ENTR1: variants seen among roughly 807,000 people sequenced by gnomAD.
The protein encoded by ENTR1 is endosome associated trafficking regulator 1, also known as endosome-associated-trafficking regulator 1.
A neutral mutation model predicts 47.9 loss-of-function variants in ENTR1; 47 were observed. The observed-to-expected ratio is 0.98, with a 90% CI of 0.78 to 1.25. The LOEUF is 1.25. ENTR1 is among the 50% of genes most tolerant of loss of function. ENTR1 has a pLI of 0.00. For missense variants in ENTR1, 668 were observed against 570.5 expected (o/e 1.17, Z -1.74); for synonymous variants, 290 against 245.8 (o/e 1.18, Z -1.68).
In ENTR1 at chr9:136,408,981, G is replaced by A. The variant is rs755949345; in HGVS notation, c.289+18C>T. ...TGTTGGATGGAGACAAGAAGAAAAG[G>A]TTGCTGAACTACTCTACCTCCAAAA... is the stretch of plus-strand genomic sequence containing the variant. On this transcript the variant is annotated intron_variant, in intron 3 of 9. Coordinates refer to ENST00000357365, the MANE Select transcript of ENTR1 (RefSeq NM_001039707.2). 2.5e-6 allele frequency: 4 copies of A among 1,610,292 alleles called. No individual in the cohort carries two copies. Among genetic ancestry groups the A allele is most frequent in the Non-Finnish European group, 3.4e-6 (4 of 1,176,842 alleles).
At chr9:136,409,737 G>C in intron 2 of ENTR1, 1 of 393,194 alleles carries the variant, frequency 2.5e-6, no homozygotes, top group Non-Finnish European at 4.9e-6. Context: ...GGACGAACCA[G>C]ATCTGGCCAC....
chr9:136,410,610 G>A lies in ENTR1; in HGVS notation c.-213C>T, dbSNP rs921970593. On this transcript the variant is annotated 5_prime_UTR_variant, in exon 1 of 10. Coordinates refer to ENST00000357365, the MANE Select transcript of ENTR1 (RefSeq NM_001039707.2). The stretch of plus-strand genomic sequence containing the variant: ...TGAACGCCTTGGGCCGTCGGCGAGG[G>A]GGAGGGGAAGCCGTGGGCGGAAGCG... The A allele has an allele frequency of 2.1e-5, 28 of 1,302,630 alleles. No homozygotes were observed. In the African/African-American group the frequency reaches 3.3e-4, roughly 15 times the overall value. 80.7% of individuals were successfully genotyped at this position (1,302,630 alleles called of 1,614,324 possible).
intron 5 of ENTR1, 62 bp from the exon 6 acceptor site, chr9:136,406,040 T>C: frequency 7.7e-7 from 1 of 1,292,746 alleles, no homozygotes; most frequent in Admixed American, 2.0e-5. Flanking sequence ...GGCGTGTGCT[T>C]CTGCGGTGTG....
At position 136,409,002 on chromosome 9, in the gene ENTR1, C is replaced by T. The variant is rs557745116; in HGVS notation, c.286G>A (p.Gly96Arg). The change falls in exon 3 of 10, where the codon GGA becomes AGA. Residue 96 changes from glycine (G) to arginine (R), a missense_variant. Gly to Arg is a moderately radical substitution (Grantham distance 125). Transcript: ENST00000357365. ...SPSGAHGTHF[G>R]DDRFEDLEEA... ...AAAGGTTGCTGAACTACTCTACCTC[C>T]AAAATGTGTCCCGTGGGCTCCTGAC... 3 of 1,613,832 alleles carry T rather than the reference C, an allele frequency of 1.9e-6. No individual in the cohort carries two copies. The South Asian group carries it at 3.3e-5, about 18-fold the overall frequency.
Position 136,410,557 on chromosome 9 carries a change from T to C in ENTR1, c.-160A>G. ...CGCCTCCGAGCCTCTCGCCGCTGCT[T>C]CCGCTCCGAGCACCGAAAGCGCGTG... On this transcript the variant is annotated 5_prime_UTR_variant, in exon 1 of 10. Transcript: ENST00000357365. The C allele has an allele frequency of 3.5e-6, 4 of 1,143,170 alleles. No homozygotes were observed. The highest frequency in any genetic ancestry group is 4.4e-6 in the Non-Finnish European group (4 of 906,738). The allele number at this position is 1,143,170 out of a possible 1,614,324, so 70.8% of individuals were successfully genotyped here.
intron 4 of ENTR1, 26 bp downstream of exon 4, chr9:136,407,800 C>G (rs1344793813): frequency 1.3e-6 from 2 of 1,527,378 alleles, no homozygotes; most frequent in Non-Finnish European, 1.8e-6. Context: ...CCCACAGAGC[C>G]ATCGCCCACA....
intron 5 of ENTR1, 33 bp downstream of exon 5, chr9:136,407,112 G>A (rs770898824): frequency 1.1e-5 from 17 of 1,552,676 alleles, no homozygotes; most frequent in South Asian, 6.1e-5. Flanking sequence ...TCGGACAGGC[G>A]CTGTGCCAGA....
rs1835049371 is a variant in ENTR1 at position 136,410,452 on chromosome 9, G to A, written c.-55C>T. On this transcript the variant is annotated 5_prime_UTR_variant, in exon 1 of 10. Coordinates refer to ENST00000357365, the MANE Select transcript of ENTR1 (RefSeq NM_001039707.2). ...CTAGCCCGGCAGCGGCGGCTCCATGGCCCCGGCTCCGCCCGTGCCGCGGCC... is the reference window on the plus strand; with the variant it reads ...CTAGCCCGGCAGCGGCGGCTCCATGACCCCGGCTCCGCCCGTGCCGCGGCC... 4 of 1,090,724 alleles carry A rather than the reference G, an allele frequency of 3.7e-6. No homozygotes were observed. In the African/African-American group the frequency reaches 6.7e-5, roughly 18 times the overall value. The allele number at this position is 1,090,724 out of a possible 1,614,324, so 67.6% of individuals were successfully genotyped here. A position where few individuals can be genotyped will look rare whatever the true frequency, so the allele number is the denominator to read the frequency against.
At chr9:136,406,537 C>T (rs1012116072) in intron 5 of ENTR1, among the ~76,000 whole-genome samples, 13 of 151,778 alleles carry the variant, frequency 8.6e-5, no homozygotes, top group East Asian at 3.9e-4. Flanking sequence ...AGTACAGTGG[C>T]GTGACCTCGG....
chr9:136,406,721 C>A (rs1834782893), intron 5 of ENTR1, among the ~76,000 whole-genome samples: 1 of 152,098 alleles, frequency 6.6e-6, no homozygotes, highest in Non-Finnish European at 1.5e-5. Context: ...AGGTGATCCA[C>A]CCACCTCGGC....
In ENTR1 at chr9:136,407,507, C is replaced by CGGT. The variant is rs1284922261; in HGVS notation, c.454_456dup (p.Thr152dup). 2 of 1,608,414 alleles carry CGGT rather than the reference C, an allele frequency of 1.2e-6. No homozygotes were observed. The highest frequency in any genetic ancestry group is 4.5e-5 in the East Asian group (2 of 44,752). ...TGCTGATACTCCAGGCCATACCCGCCGGTTTGGGAGGGTGGGGAGTTGTGG... is the reference window on the plus strand; with the variant it reads ...TGCTGATACTCCAGGCCATACCCGCCGGTGGTTTGGGAGGGTGGGGAGTTGTGG... On this transcript the variant is annotated inframe_insertion, in exon 5 of 10. Transcript: ENST00000357365.
intron 5 of ENTR1, among the ~76,000 whole-genome samples, chr9:136,406,545 C>T (rs950132132): frequency 3.3e-5 from 5 of 151,926 alleles, no homozygotes; most frequent in African/African-American, 1.2e-4. Context: ...GGCGTGACCT[C>T]GGCTCACCGC....
At chr9:136,408,897 CCAGCTA>C in intron 3 of ENTR1, 96 bp downstream of exon 3, 1 of 855,802 alleles carries the variant, frequency 1.2e-6, no homozygotes, top group Non-Finnish European at 1.9e-6. Flanking sequence ...CTTTTGGGCT[CCAGCTA>C]CACCACATAG....
chr9:136,407,752 T>C lies in ENTR1; in HGVS notation c.402+74A>G, dbSNP rs1834850544. ...CTGCTCTGCCACACTCATGCACGAT[T>C]CCTCCAAAGGAGGCTGCAGAGGCCG... On this transcript the variant is annotated intron_variant, in intron 4 of 9. Coordinates refer to ENST00000357365, the MANE Select transcript of ENTR1 (RefSeq NM_001039707.2). 4.3e-6 allele frequency: 6 copies of C among 1,393,464 alleles called. No individual in the cohort carries two copies. The South Asian group carries it at 5.9e-5, about 14-fold the overall frequency. The allele number at this position is 1,393,464 out of a possible 1,614,324, so 86.3% of individuals were successfully genotyped here.
chr9:136,402,199 G>A lies in ENTR1; in HGVS notation c.*589C>T, dbSNP rs1017568540. On this transcript the variant is annotated 3_prime_UTR_variant, in exon 10 of 10. Coordinates refer to ENST00000357365, the MANE Select transcript of ENTR1 (RefSeq NM_001039707.2). Reference sequence around the variant, plus strand: ...CACATCTGGACAGCTTCACAGCACGGAACGTGTGACCTTGGTCCCCGTGGG... The same window carrying A: ...CACATCTGGACAGCTTCACAGCACGAAACGTGTGACCTTGGTCCCCGTGGG... 6.5e-6 allele frequency: 1 copy of A among 153,084 alleles called. No individual in the cohort carries two copies. Among genetic ancestry groups the A allele is most frequent in the African/African-American group, 2.4e-5 (1 of 41,448 alleles). 9.5% of individuals were successfully genotyped at this position (153,084 alleles called of 1,614,324 possible). A position where few individuals can be genotyped will look rare whatever the true frequency, so the allele number is the denominator to read the frequency against.
At chr9:136,407,114 T>C (rs1834801202) in intron 5 of ENTR1, 31 bp downstream of exon 5, 1 of 1,554,784 alleles carries the variant, frequency 6.4e-7, no homozygotes, top group Non-Finnish European at 8.7e-7. Flanking sequence ...GGACAGGCGC[T>C]GTGCCAGAGG....
chr9:136,408,514 C>T (rs1234907608), intron 3 of ENTR1, among the ~76,000 whole-genome samples: 1 of 151,934 alleles, frequency 6.6e-6, no homozygotes, highest in African/African-American at 2.4e-5. Flanking sequence ...GGAGGTGGAG[C>T]TTGCAGTGAG....
chr9:136,407,477 A>G lies in ENTR1; in HGVS notation c.487T>C (p.Phe163Leu). Residue 163 changes from phenylalanine (F) to leucine (L), a missense_variant, in exon 5 of 10, where the codon TTT becomes CTT. Physicochemically the swap from Phe to Leu is conservative, Grantham distance 22. Coordinates refer to ENST00000357365, the MANE Select transcript of ENTR1 (RefSeq NM_001039707.2). ...GGYGLEYQQP[F>L]FEDPTGAGDL... ...CCAGCCCCTGTCGGATCCTCGAAAA[A>G]TGGCTGCTGATACTCCAGGCCATAC... The G allele has an allele frequency of 6.2e-7, 1 of 1,610,612 alleles. No individual in the cohort carries two copies. Among genetic ancestry groups the G allele is most frequent in the Non-Finnish European group, 8.5e-7 (1 of 1,179,740 alleles).
At chr9:136,405,863 T>C (rs563364395) in intron 6 of ENTR1, 42 bp downstream of exon 6, 1 of 1,224,192 alleles carries the variant, frequency 8.2e-7, no homozygotes, top group Non-Finnish European at 1.2e-6. Flanking sequence ...TCCCTGTGTA[T>C]TAGATGTTGT....
Sources: allele counts gnomAD v4.1 joint callset (sites outside exome capture counted in the v4.1 genomes callset), GRCh38; gene constraint gnomAD v4.1.1; transcripts MANE v1.5; gene names NCBI Gene and HGNC (gene_info 2026-07-23, HGNC 2026-07-21).